Variants in RTP1 observed in about 807,000 individuals in gnomAD.
RTP1 encodes receptor transporter protein 1, also known as receptor-transporting protein 1.
RTP1 carries 24 observed loss-of-function variants against 27.1 expected under a neutral mutation model. The ratio of observed to expected loss-of-function variants is 0.89; its 90% CI spans 0.64 to 1.25. RTP1 has a LOEUF of 1.25. RTP1 is among the 50% of genes most tolerant of loss of function. RTP1 has a pLI of 0.00. For missense variants in RTP1, 338 were observed against 351.6 expected, an observed-to-expected ratio of 0.96 and a Z score of 0.31; for synonymous variants, 148 against 148.1, an observed-to-expected ratio of 1.00 and a Z score of 0.00.
In RTP1 at chr3:187,197,695, T is replaced by C; in HGVS notation, c.180T>C (p.Ala60=). Residue 60 remains alanine, a synonymous_variant, in exon 1 of 2, where the codon GCT becomes GCC. Transcript: ENST00000312295. ...FYEKMEEAKP[A]DSWDLIIDPN... ...AGAAGATGGAGGAGGCAAAGCCGGC[T>C]GACAGCTGGGACCTCATCATAGACC... is the stretch of plus-strand genomic sequence containing the variant. 1 of 1,614,232 alleles carries C rather than the reference T, an allele frequency of 6.2e-7. No homozygotes were observed. Among genetic ancestry groups the C allele is most frequent in the South Asian group, 1.1e-5 (1 of 91,090 alleles).
intron 1 of RTP1, chr3:187,199,340 C>T (rs998671251): frequency 3.7e-6 from 2 of 545,710 alleles, no homozygotes; most frequent in Non-Finnish European, 6.5e-6. Flanking sequence ...GCTGGATGCC[C>T]GGTGACATCC....
At position 187,197,781 on chromosome 3, in the gene RTP1, C is replaced by T. The variant is rs1470146219; in HGVS notation, c.266C>T (p.Ser89Leu). 1.2e-6 allele frequency: 2 copies of T among 1,611,826 alleles called. No individual in the cohort carries two copies. Among genetic ancestry groups the T allele is most frequent in the African/African-American group, 1.3e-5 (1 of 74,898 alleles). The stretch of plus-strand genomic sequence containing the variant: ...AAGCAGTACCTGGAATTGCATGCTT[C>T]AGGCAGGTGAGTAGCCCAGGAAGGT... Reference protein sequence around the residue: ...GWKQYLELHASGRFHCSWCWH... With the variant: ...GWKQYLELHALGRFHCSWCWH... Residue 89 changes from serine to leucine, a missense_variant, in exon 1 of 2, where the codon TCA becomes TTA. Physicochemically the swap from Ser to Leu is moderately radical, Grantham distance 145. Coordinates refer to ENST00000312295, the MANE Select transcript of RTP1 (RefSeq NM_153708.3).
In RTP1 at chr3:187,199,702, G is replaced by T. The variant is rs752765295; in HGVS notation, c.424G>T (p.Glu142Ter). Residue 142 changes from glutamate (E) to a stop codon, truncating the protein, a stop_gained, in exon 2 of 2, where the codon GAG (glutamate) becomes TAG (stop). Coordinates refer to ENST00000312295, the MANE Select transcript of RTP1 (RefSeq NM_153708.3). LOFTEE classifies it high-confidence loss of function. ...CYECGTARLD[E>*]SSMLEENIEG... The stretch of plus-strand genomic sequence containing the variant: ...TGAGTGCGGCACGGCGCGGCTGGAC[G>T]AGTCCAGCATGCTGGAGGAGAACAT... 8 of 1,612,944 alleles carry T rather than the reference G, an allele frequency of 5.0e-6. No homozygotes were observed. In the South Asian group the frequency reaches 8.8e-5, roughly 18 times the overall value.
intron 1 of RTP1, 189 bp from the exon 2 acceptor site, chr3:187,199,362 C>G (rs954508151): frequency 1.0e-5 from 6 of 588,376 alleles, no homozygotes; most frequent in Non-Finnish European, 1.8e-5. Flanking sequence ...GAGGAACCTG[C>G]TGTAGTCCTA....
intron 1 of RTP1, chr3:187,198,156 G>T: frequency 5.4e-6 from 1 of 185,146 alleles, no homozygotes; most frequent in Admixed American, 5.5e-5. Flanking sequence ...GCCCACTGGG[G>T]GTCGAGACGT....
intron 1 of RTP1, 98 bp downstream of exon 1, chr3:187,197,885 T>G: frequency 8.1e-7 from 1 of 1,235,252 alleles, no homozygotes; most frequent in Non-Finnish European, 1.1e-6. Flanking sequence ...AACCCAAGTG[T>G]TTAGCTTCAA....
chr3:187,200,031 G>C lies in RTP1; in HGVS notation c.753G>C (p.Leu251=). Residue 251 remains leucine, a synonymous_variant, in exon 2 of 2, where the codon CTG becomes CTC. Coordinates refer to ENST00000312295, the MANE Select transcript of RTP1 (RefSeq NM_153708.3). ...TGTTTTGGGCCACGGTCCTGCTGCT[G>C]ATCATCTACCTGCAGTTCTCTTTCC... ...WCLFWATVLL[L]IIYLQFSFRS... 1 of 1,521,438 alleles carries C rather than the reference G, an allele frequency of 6.6e-7. No individual in the cohort carries two copies. The highest frequency in any genetic ancestry group is 8.8e-7 in the Non-Finnish European group (1 of 1,133,606). 94.2% of individuals were successfully genotyped at this position (1,521,438 alleles called of 1,614,324 possible). A position where few individuals can be genotyped will look rare whatever the true frequency, so the allele number is the denominator to read the frequency against.
In RTP1 at chr3:187,197,678, G is replaced by A. The variant is rs1721627724; in HGVS notation, c.163G>A (p.Glu55Lys). Residue 55 changes from glutamate to lysine, a missense_variant, in exon 1 of 2, where the codon GAG (glutamate) becomes AAG (lysine). This residue lies in a region of RTP1 where 64 missense variants were observed against 74.5 expected (regional missense o/e 0.86). Coordinates refer to ENST00000312295, the MANE Select transcript of RTP1 (RefSeq NM_153708.3). ...GAAGAAAGTCTTCTATGAGAAGATG[G>A]AGGAGGCAAAGCCGGCTGACAGCTG... ...EWKKVFYEKM[E>K]EAKPADSWDL... is the part of the protein sequence containing the mutation. 6.2e-7 allele frequency: 1 copy of A among 1,614,092 alleles called. No individual in the cohort carries two copies. The highest frequency in any genetic ancestry group is 1.7e-5 in the Admixed American group (1 of 60,006).
rs777465080 is a variant in RTP1 at position 187,199,778 on chromosome 3, G to A, written c.500G>A (p.Gly167Asp). ...LITSLREQCYGERGGQYRIHV... is the reference protein window; with the variant it reads ...LITSLREQCYDERGGQYRIHV... ...ACCAGCCTGCGCGAGCAGTGCTACG[G>A]CGAGCGTGGCGGCCAGTACCGCATC... The change falls in exon 2 of 2, where the codon GGC (glycine) becomes GAC (aspartate). Residue 167 changes from glycine to aspartate, a missense_variant. This residue lies in a region of RTP1 where 252 missense variants were observed against 231.5 expected (regional missense o/e 1.09). Coordinates refer to ENST00000312295, the MANE Select transcript of RTP1 (RefSeq NM_153708.3). 94 of 1,613,150 alleles carry A rather than the reference G, an allele frequency of 5.8e-5. No individual in the cohort carries two copies. The highest frequency in any genetic ancestry group is 1.6e-4 in the Middle Eastern group (1 of 6,084).
Position 187,197,535 on chromosome 3 carries a change from G to A in RTP1, c.20G>A (p.Trp7Ter). 6.2e-7 allele frequency: 1 copy of A among 1,614,018 alleles called. No individual in the cohort carries two copies. Among genetic ancestry groups the A allele is most frequent in the Non-Finnish European group, 8.5e-7 (1 of 1,179,922 alleles). Reference protein sequence around the residue: MRIFRPWRLRCPALHLP... With the variant: MRIFRP Reference sequence around the variant, plus strand: ...TTGTCGATGAGGATTTTTAGACCGTGGAGACTGCGCTGCCCTGCCCTGCAC... The same window carrying A: ...TTGTCGATGAGGATTTTTAGACCGTAGAGACTGCGCTGCCCTGCCCTGCAC... Residue 7 changes from tryptophan to a stop codon, truncating the protein, a stop_gained, in exon 1 of 2, where the codon TGG becomes TAG. Coordinates refer to ENST00000312295, the MANE Select transcript of RTP1 (RefSeq NM_153708.3). LOFTEE classifies it high-confidence loss of function.
chr3:187,200,526 T>C lies in RTP1; in HGVS notation c.*456T>C, dbSNP rs1380017498. 6.6e-6 allele frequency: 1 copy of C among 152,282 alleles called. No homozygotes were observed. The highest frequency in any genetic ancestry group is 1.5e-5 in the Non-Finnish European group (1 of 68,324). The allele number at this position is 152,282 out of a possible 1,614,324, so 9.4% of individuals were successfully genotyped here. ...GAGGACTGGGTGATCTCAAAAGGGC[T>C]TTCCACAGTAATGAGCTCGACCTTG... On this transcript the variant is annotated 3_prime_UTR_variant, in exon 2 of 2. Transcript: ENST00000312295.
rs750803512 is a variant in RTP1, at chr3:187,199,756, A to G, written c.478A>G (p.Ser160Gly). 14 of 1,613,508 alleles carry G rather than the reference A, an allele frequency of 8.7e-6. No homozygotes were observed. In the African/African-American group the frequency reaches 1.9e-4, roughly 22 times the overall value. The stretch of plus-strand genomic sequence containing the variant: ...GGGCCTGGTGGACAACCTCATCACC[A>G]GCCTGCGCGAGCAGTGCTACGGCGA... Reference protein sequence around the residue: ...IEGLVDNLITSLREQCYGERG... With the variant: ...IEGLVDNLITGLREQCYGERG... Residue 160 changes from serine (S) to glycine (G), a missense_variant, in exon 2 of 2, where the codon AGC (serine) becomes GGC (glycine). Physicochemically the swap from Ser to Gly is moderately conservative, Grantham distance 56 (BLOSUM62 0). Transcript: ENST00000312295.
intron 1 of RTP1, among the ~76,000 whole-genome samples, chr3:187,198,328 A>T (rs1043617923): frequency 1.3e-5 from 2 of 152,182 alleles, no homozygotes; most frequent in African/African-American, 4.8e-5. Flanking sequence ...CCTTTTGCAC[A>T]GTGAGAGGTT....
chr3:187,199,667 AG>A lies in RTP1; in HGVS notation c.390del (p.Gln130HisfsTer122), dbSNP rs373661489. The A allele has an allele frequency of 2.3e-4, 373 of 1,610,312 alleles. 4 individuals are homozygous for A. In the South Asian group the frequency reaches 4.0e-3, roughly 17 times the overall value. On this transcript the variant is annotated frameshift_variant, in exon 2 of 2. Transcript: ENST00000312295. LOFTEE classifies it high-confidence loss of function. The part of the protein sequence containing the change: ...AGSVRMRVFK[Q>X]LCYECGTARL... ...TCGGTGCGCATGCGCGTCTTCAAGCAGCTGTGCTATGAGTGCGGCACGGCGC... is the reference window on the plus strand; with the variant it reads ...TCGGTGCGCATGCGCGTCTTCAAGCACTGTGCTATGAGTGCGGCACGGCGC...
chr3:187,199,676 A>T lies in RTP1; in HGVS notation c.398A>T (p.Tyr133Phe), dbSNP rs757688704. ...VRMRVFKQLC[Y>F]ECGTARLDES... ...ATGCGCGTCTTCAAGCAGCTGTGCT[A>T]TGAGTGCGGCACGGCGCGGCTGGAC... is the stretch of plus-strand genomic sequence containing the variant. Residue 133 changes from tyrosine (Y) to phenylalanine (F), a missense_variant, in exon 2 of 2, where the codon TAT becomes TTT. Physicochemically the swap from Tyr to Phe is conservative, Grantham distance 22. Transcript: ENST00000312295. The T allele has an allele frequency of 1.9e-6, 3 of 1,611,404 alleles. No homozygotes were observed. Among genetic ancestry groups the T allele is most frequent in the Admixed American group, 3.3e-5 (2 of 59,958 alleles).
At chr3:187,199,369 C>G (rs1204474993) in intron 1 of RTP1, 182 bp from the exon 2 acceptor site, 2 of 615,878 alleles carry the variant, frequency 3.2e-6, no homozygotes, top group African/African-American at 1.8e-5. Flanking sequence ...CTGCTGTAGT[C>G]CTAGGGGCAC....
chr3:187,199,931 C>T lies in RTP1; in HGVS notation c.653C>T (p.Ser218Phe). Residue 218 changes from serine to phenylalanine, a missense_variant, in exon 2 of 2, where the codon TCC becomes TTC. Ser to Phe is a radical substitution (Grantham distance 155, BLOSUM62 -2). This residue lies in a region of RTP1 where 252 missense variants were observed against 231.5 expected (regional missense o/e 1.09). Transcript: ENST00000312295. ...LEEEATTYTF[S>F]RAPSPTKSQD... ...GAGGAGGCGACCACCTACACCTTCT[C>T]CCGGGCGCCCAGCCCCACCAAGTCG... 2 of 1,596,530 alleles carry T rather than the reference C, an allele frequency of 1.3e-6. No homozygotes were observed. The highest frequency in any genetic ancestry group is 1.7e-6 in the Non-Finnish European group (2 of 1,170,026).
rs1305394918 is a variant in RTP1, at chr3:187,199,947, C to T, written c.669C>T (p.Pro223=). 1.3e-6 allele frequency: 2 copies of T among 1,596,576 alleles called. No individual in the cohort carries two copies. Among genetic ancestry groups the T allele is most frequent in the South Asian group, 1.1e-5 (1 of 88,398 alleles). The change falls in exon 2 of 2, where the codon CCC becomes CCT. Residue 223 remains proline, a synonymous_variant. Coordinates refer to ENST00000312295, the MANE Select transcript of RTP1 (RefSeq NM_153708.3). ...TTYTFSRAPS[P]TKSQDQTGSG... The stretch of plus-strand genomic sequence containing the variant: ...ACACCTTCTCCCGGGCGCCCAGCCC[C>T]ACCAAGTCGCAGGACCAGACGGGCT...
Position 187,200,344 on chromosome 3 carries a change from TCTCCAACTCCTGATCTAAACACCCATC to T in RTP1, c.*286_*312del, listed in dbSNP as rs151252058. ...GGAAAGTAGGCTAAGCTAGTGGGTG[TCTCCAACTCCTGATCTAAACACCCATC>T]CTCCAACTCCTACCTCCTCCTCTTG... On this transcript the variant is annotated 3_prime_UTR_variant, in exon 2 of 2. Transcript: ENST00000312295. The T allele has an allele frequency of 4.6e-3, 1,394 of 302,384 alleles. 15 individuals carry two copies. Among genetic ancestry groups the T allele is most frequent in the African/African-American group, 0.021 (968 of 46,250 alleles). The allele number at this position is 302,384 out of a possible 1,614,324, so 18.7% of individuals were successfully genotyped here. A position where few individuals can be genotyped will look rare whatever the true frequency, so the allele number is the denominator to read the frequency against.
Sources: gnomAD v4.1 joint callset for allele counts (sites outside exome capture counted in the v4.1 genomes callset) on GRCh38, gnomAD v4.1.1 for gene constraint, gnomAD v4.1.1 regional missense constraint, MANE v1.5 for transcripts, NCBI Gene and HGNC (gene_info 2026-07-23, HGNC 2026-07-21) for gene names.